The following PPFIA1 variants were observed in gnomAD, a reference collection of about 807,000 sequenced individuals.
PPFIA1 encodes the protein PPFI scaffold protein A1, also known as liprin-alpha-1.
In PPFIA1, 25 loss-of-function variants were observed where a neutral mutation model predicts 149.9. The observed-to-expected ratio is 0.17, with a 90% CI of 0.12 to 0.23. The LOEUF is 0.23. PPFIA1 is among the 10% of genes least tolerant of loss of function. PPFIA1 has a pLI of 1.00. For synonymous variants in PPFIA1, 549 were observed against 552.8 expected (o/e 0.99, Z 0.10); for missense variants, 1,362 against 1,506.5 (o/e 0.90, Z 1.59).
chr11:70,362,696 A>G, intron 21 of PPFIA1: 1 of 426,926 alleles, frequency 2.3e-6, no homozygotes, highest in Non-Finnish European at 4.0e-6. Flanking sequence ...TTTATGAAAG[A>G]TTGGCTAGAA....
intron 2 of PPFIA1, among the ~76,000 whole-genome samples, chr11:70,295,084 G>A (rs2051817936): frequency 6.6e-6 from 1 of 152,180 alleles, no homozygotes; most frequent in Non-Finnish European, 1.5e-5. Flanking sequence ...CCTCCCAGAC[G>A]GGGTGGTGGC....
chr11:70,274,639 A>G (rs993193219), intron 2 of PPFIA1, among the ~76,000 whole-genome samples: 1 of 152,124 alleles, frequency 6.6e-6, no homozygotes, highest in African/African-American at 2.4e-5. Context: ...TATTCTTTCT[A>G]CTGCTCACAG....
intron 26 of PPFIA1, among the ~76,000 whole-genome samples, chr11:70,380,410 A>G (rs2057662666): frequency 6.7e-6 from 1 of 148,362 alleles, no homozygotes; most frequent in Non-Finnish European, 1.5e-5. Flanking sequence ...TACTAAAAAT[A>G]CAAAAAAAAA....
At chr11:70,364,575 T>C (rs1181268125) in intron 21 of PPFIA1, 1 of 152,192 alleles carries the variant, frequency 6.6e-6, no homozygotes, top group Non-Finnish European at 1.5e-5. Flanking sequence ...TTTACTTGTT[T>C]TATTTATTTT....
intron 16 of PPFIA1, among the ~76,000 whole-genome samples, chr11:70,349,708 T>C (rs1292759770): frequency 6.6e-6 from 1 of 152,342 alleles, no homozygotes; most frequent in East Asian, 1.9e-4. Flanking sequence ...ATACTGTTTT[T>C]ATAATTTACA....
At chr11:70,336,648 A>G (rs2054998480) in intron 11 of PPFIA1, among the ~76,000 whole-genome samples, 1 of 152,226 alleles carries the variant, frequency 6.6e-6, no homozygotes, top group Non-Finnish European at 1.5e-5. Flanking sequence ...TGATTTGGAA[A>G]AAGTTTAAGC....
Position 70,302,307 on chromosome 11 carries a change from T to C in PPFIA1, c.265-22095T>C, listed in dbSNP as rs114328798. 6.0e-3 allele frequency among the ~76,000 whole-genome samples: 909 copies of C among 152,258 alleles called. 10 individuals carry two copies. The highest frequency in any genetic ancestry group is 0.02 in the African/African-American group (821 of 41,542). ...CCACACTGGTCCTTAGAGGGGATGC[T>C]TCCCCAGGGAGCAGTGGGAGAAGGG... On this transcript the variant is annotated intron_variant, in intron 2 of 27. Coordinates refer to ENST00000253925, the MANE Select transcript of PPFIA1 (RefSeq NM_003626.5).
chr11:70,352,627 G>C (rs1051273749), intron 16 of PPFIA1, among the ~76,000 whole-genome samples: 1 of 151,984 alleles, frequency 6.6e-6, no homozygotes, highest in African/African-American at 2.4e-5. Context: ...TGTCAGTGGT[G>C]TTGGTGTAGA....
chr11:70,382,948 C>G, intron 27 of PPFIA1, 55 bp from the exon 28 acceptor site: 2 of 361,290 alleles, frequency 5.5e-6, no homozygotes, highest in Non-Finnish European at 1.0e-5. Context: ...AGTTCCCGTT[C>G]GTCAGTATGG....
intron 2 of PPFIA1, among the ~76,000 whole-genome samples, chr11:70,273,219 G>A (rs1429346344): frequency 1.3e-5 from 2 of 151,998 alleles, no homozygotes; most frequent in Non-Finnish European, 2.9e-5. Flanking sequence ...GGAGGTTGCA[G>A]TGAGCCAAGA....
chr11:70,336,229 G>A (rs1238190101), intron 11 of PPFIA1, among the ~76,000 whole-genome samples: 3 of 152,144 alleles, frequency 2.0e-5, no homozygotes, highest in Non-Finnish European at 2.9e-5. Context: ...CTGGCTGGGC[G>A]TGGTGGCTCA....
intron 1 of PPFIA1, 167 bp from the exon 2 acceptor site, chr11:70,272,006 A>C: frequency 1.3e-6 from 1 of 781,914 alleles, no homozygotes; most frequent in South Asian, 1.7e-5. Flanking sequence ...TTTGCACTTA[A>C]TATTTGCCCT....
At chr11:70,379,773 C>A in intron 26 of PPFIA1, among the ~76,000 whole-genome samples, 1 of 152,094 alleles carries the variant, frequency 6.6e-6, no homozygotes, top group East Asian at 1.9e-4. Context: ...TTAAGCTGGA[C>A]GCTTTGGGTG....
chr11:70,363,050 A>T (rs1211776434), intron 21 of PPFIA1: 1 of 152,428 alleles, frequency 6.6e-6, no homozygotes, highest in Non-Finnish European at 1.5e-5. Context: ...AAACTGAGTA[A>T]TTAACATTTG....
At chr11:70,367,288 G>A (rs1444898644) in intron 21 of PPFIA1, among the ~76,000 whole-genome samples, 1 of 152,226 alleles carries the variant, frequency 6.6e-6, no homozygotes, top group African/African-American at 2.4e-5. Context: ...GCCAAGGGCA[G>A]TACACAGTGG....
At chr11:70,381,757 CAG>C (rs1365876953) in intron 26 of PPFIA1, among the ~76,000 whole-genome samples, 2 of 152,214 alleles carry the variant, frequency 1.3e-5, no homozygotes, top group Non-Finnish European at 2.9e-5. Flanking sequence ...TCTATGAATG[CAG>C]AGTTTAGTAA....
At chr11:70,283,725 GA>G (rs1400109139) in intron 2 of PPFIA1, among the ~76,000 whole-genome samples, 5 of 148,006 alleles carry the variant, frequency 3.4e-5, no homozygotes, top group African/African-American at 9.9e-5. Context: ...AGGACTAGAG[GA>G]TGACAGCCGA....
At chr11:70,352,567 G>A (rs1221597594) in intron 16 of PPFIA1, among the ~76,000 whole-genome samples, 5 of 152,058 alleles carry the variant, frequency 3.3e-5, no homozygotes, top group Admixed American at 2.6e-4. Flanking sequence ...CCAGGGGTGC[G>A]TGCAGAGTGC....
chr11:70,362,155 A>T lies in PPFIA1; in HGVS notation c.2643A>T (p.Pro881=). The part of the protein sequence containing the change: ...QGLPFAQWDG[P]TVVVWLELWV... ...TACCTTTTGCCCAATGGGACGGGCCAACGGTTGTGGTCTGGCTAGAGGTAC... is the reference window on the plus strand; with the variant it reads ...TACCTTTTGCCCAATGGGACGGGCCTACGGTTGTGGTCTGGCTAGAGGTAC... Residue 881 remains proline, a synonymous_variant, in exon 20 of 28, where the codon CCA becomes CCT. Transcript: ENST00000253925. The T allele has an allele frequency of 6.2e-7, 1 of 1,614,246 alleles. No homozygotes were observed. Among genetic ancestry groups the T allele is most frequent in the African/African-American group, 1.3e-5 (1 of 75,070 alleles).
Sources: gnomAD v4.1 joint callset for allele counts (sites outside exome capture counted in the v4.1 genomes callset) on GRCh38, gnomAD v4.1.1 for gene constraint, MANE v1.5 for transcripts, NCBI Gene and HGNC (gene_info 2026-07-23, HGNC 2026-07-21) for gene names.